Variants in SPAG16 observed in about 807,000 individuals in gnomAD.
The protein encoded by SPAG16 is sperm associated antigen 16, also known as sperm-associated antigen 16 protein.
In SPAG16, 86 loss-of-function variants were observed where a neutral mutation model predicts 80.4. The ratio of observed to expected loss-of-function variants is 1.07; its 90% CI spans 0.90 to 1.28. The LOEUF (loss-of-function observed/expected upper bound fraction) is 1.28, where lower values mean the gene tolerates loss of function less well. SPAG16 is among the 50% of genes most tolerant of loss of function. SPAG16 has a pLI of 0.00. For missense variants in SPAG16, 870 were observed against 765.3 expected (o/e 1.14, Z -1.61); for synonymous variants, 294 against 265.9 (o/e 1.11, Z -1.03).
chr2:213,904,997 A>G (rs1288500332), intron 11 of SPAG16, among the ~76,000 whole-genome samples: 1 of 152,184 alleles, frequency 6.6e-6, no homozygotes, highest in Non-Finnish European at 1.5e-5. Context: ...TTCTGTATTG[A>G]AAATAGATTA....
chr2:213,290,787 G>GT (rs1168371497), intron 1 of SPAG16, among the ~76,000 whole-genome samples: 1 of 152,190 alleles, frequency 6.6e-6, no homozygotes, highest in Admixed American at 6.5e-5. Context: ...AGTGTACAGA[G>GT]TTTTATCATT....
intron 4 of SPAG16, among the ~76,000 whole-genome samples, chr2:213,315,991 C>T (rs997679012): frequency 2.0e-5 from 3 of 151,906 alleles, no homozygotes; most frequent in African/African-American, 4.8e-5. Flanking sequence ...TTCCCACTGC[C>T]TAGCTGGTCT....
Position 214,204,672 on chromosome 2 carries a change from G to T in SPAG16, c.1720+55406G>T, listed in dbSNP as rs966738532. On this transcript the variant is annotated intron_variant, in intron 15 of 15. Coordinates refer to ENST00000331683, the MANE Select transcript of SPAG16 (RefSeq NM_024532.5). ...AGCACCCTCTTGGACAAAAGAATCT[G>T]AACAGTAGCCTTCAGATCCAGATCT... 2.6e-5 allele frequency among the ~76,000 whole-genome samples: 4 copies of T among 152,262 alleles called. No individual in the cohort carries two copies. The South Asian group carries it at 8.3e-4, about 32-fold the overall frequency.
chr2:213,556,075 TAGATACTCAAAAGATTAAAAGCA>T (rs1361460166), intron 10 of SPAG16, among the ~76,000 whole-genome samples: 2 of 151,802 alleles, frequency 1.3e-5, no homozygotes, highest in Admixed American at 6.6e-5. Context: ...AAACCTATAG[TAGATACTCAAAAGATTAAAAGCA>T]AGGAACCAAA....
At chr2:213,382,944 T>C (rs568991253) in intron 9 of SPAG16, among the ~76,000 whole-genome samples, 1 of 152,250 alleles carries the variant, frequency 6.6e-6, no homozygotes, top group Admixed American at 6.5e-5. Context: ...CCATCACAGA[T>C]GGGAGGAGAG....
At chr2:213,756,154 AT>A (rs2068317798) in intron 10 of SPAG16, among the ~76,000 whole-genome samples, 2 of 152,098 alleles carry the variant, frequency 1.3e-5, no homozygotes, top group Admixed American at 6.5e-5. Context: ...AACATAAGTA[AT>A]TTTAGCAATC....
At chr2:214,175,546 G>T (rs961846053) in intron 15 of SPAG16, among the ~76,000 whole-genome samples, 1 of 151,072 alleles carries the variant, frequency 6.6e-6, no homozygotes, top group Non-Finnish European at 1.5e-5. Flanking sequence ...GGAGATCGGG[G>T]TATCTTGATT....
chr2:213,815,394 G>T (rs2072462870), intron 10 of SPAG16, among the ~76,000 whole-genome samples: 1 of 152,132 alleles, frequency 6.6e-6, no homozygotes, highest in Non-Finnish European at 1.5e-5. Context: ...TGATTCTAGG[G>T]TAGTTACAGG....
intron 10 of SPAG16, among the ~76,000 whole-genome samples, chr2:213,678,359 G>A (rs909520387): frequency 6.6e-6 from 1 of 151,952 alleles, no homozygotes; most frequent in Non-Finnish European, 1.5e-5. Flanking sequence ...CAACAAAATA[G>A]ATAGACCACT....
chr2:213,631,242 T>C (rs2062139995), intron 10 of SPAG16, among the ~76,000 whole-genome samples: 1 of 152,114 alleles, frequency 6.6e-6, no homozygotes, highest in South Asian at 2.1e-4. Flanking sequence ...TGGCAATAAA[T>C]TCATTTCAAA....
At chr2:213,678,328 G>T (rs918330873) in intron 10 of SPAG16, among the ~76,000 whole-genome samples, 1 of 138,460 alleles carries the variant, frequency 7.2e-6, no homozygotes, top group South Asian at 2.1e-4. Flanking sequence ...ACGAATCCAG[G>T]AGCTGGTTTT....
intron 11 of SPAG16, among the ~76,000 whole-genome samples, chr2:213,906,255 A>G (rs1484539684): frequency 6.6e-6 from 1 of 152,070 alleles, no homozygotes; most frequent in African/African-American, 2.4e-5. Flanking sequence ...AAGCAATCGC[A>G]TATACAATAG....
At chr2:213,673,126 C>T (rs1480571657) in intron 10 of SPAG16, among the ~76,000 whole-genome samples, 1 of 152,080 alleles carries the variant, frequency 6.6e-6, no homozygotes, top group African/African-American at 2.4e-5. Context: ...TCCTTTCCTT[C>T]AAGAACCCAA....
chr2:214,068,484 A>G (rs2050634355), intron 13 of SPAG16, among the ~76,000 whole-genome samples: 1 of 152,168 alleles, frequency 6.6e-6, no homozygotes, highest in Non-Finnish European at 1.5e-5. Flanking sequence ...GGAGGTGGCC[A>G]TGGTTTTTAT....
At chr2:214,036,668 T>G (rs1443030377) in intron 13 of SPAG16, among the ~76,000 whole-genome samples, 1 of 152,170 alleles carries the variant, frequency 6.6e-6, no homozygotes, top group Non-Finnish European at 1.5e-5. Flanking sequence ...GCTCCCATTA[T>G]TTATAATATA....
chr2:213,853,471 T>C (rs1410212154), intron 10 of SPAG16, among the ~76,000 whole-genome samples: 1 of 152,188 alleles, frequency 6.6e-6, no homozygotes. Context: ...TGCCAGAACA[T>C]AATATTTTAT....
chr2:213,564,881 G>C (rs1575993506), intron 10 of SPAG16, among the ~76,000 whole-genome samples: 1 of 152,218 alleles, frequency 6.6e-6, no homozygotes, highest in South Asian at 2.1e-4. Context: ...TAAATGACAA[G>C]AGCCAAGATT....
At chr2:213,629,365 G>A (rs534181549) in intron 10 of SPAG16, among the ~76,000 whole-genome samples, 1 of 152,262 alleles carries the variant, frequency 6.6e-6, no homozygotes, top group East Asian at 1.9e-4. Flanking sequence ...CAACTAACTA[G>A]CAACATTTAG....
At chr2:213,875,280 G>A (rs562257639) in intron 11 of SPAG16, among the ~76,000 whole-genome samples, 3 of 152,144 alleles carry the variant, frequency 2.0e-5, no homozygotes, top group South Asian at 4.1e-4. Flanking sequence ...AAATAGAATG[G>A]ATGCACTCAT....
Sources: allele counts gnomAD v4.1 joint callset (sites outside exome capture counted in the v4.1 genomes callset), GRCh38; gene constraint gnomAD v4.1.1; transcripts MANE v1.5; gene names NCBI Gene and HGNC (gene_info 2026-07-23, HGNC 2026-07-21).